The following TMEM132C variants were observed in gnomAD, a reference collection of about 807,000 sequenced individuals.
TMEM132C encodes transmembrane protein 132C.
In TMEM132C, 29 loss-of-function variants were observed where a neutral mutation model predicts 61.4. The ratio of observed to expected loss-of-function variants is 0.47; its 90% CI spans 0.35 to 0.64. The LOEUF (loss-of-function observed/expected upper bound fraction) is 0.64, where lower values mean the gene tolerates loss of function less well. Among genes scored for constraint, TMEM132C ranks in the 30% least tolerant of loss-of-function variants. The pLI is 0.00. For synonymous variants in TMEM132C, 656 were observed against 633.1 expected, an observed-to-expected ratio of 1.04 and a Z score of -0.54; for missense variants, 1,408 against 1,476.9, an observed-to-expected ratio of 0.95 and a Z score of 0.76.
chr12:128,267,594 CG>C (rs1870352430), intron 1 of TMEM132C, 107 bp downstream of exon 1: 1 of 914,800 alleles, frequency 1.1e-6, no homozygotes, highest in Non-Finnish European at 1.4e-6. Flanking sequence ...GGGGCCTCGG[CG>C]GGGGCTCGGA....
intron 2 of TMEM132C, among the ~76,000 whole-genome samples, chr12:128,505,615 C>A (rs1448118922): frequency 6.6e-6 from 1 of 152,176 alleles, no homozygotes; most frequent in African/African-American, 2.4e-5. Flanking sequence ...CATGCCAAAC[C>A]TGATGTCTGA....
At chr12:128,276,030 T>C (rs1870678527) in intron 1 of TMEM132C, among the ~76,000 whole-genome samples, 2 of 152,176 alleles carry the variant, frequency 1.3e-5, no homozygotes, top group Admixed American at 6.5e-5. Flanking sequence ...GTCTGTCTTA[T>C]AAGGATACCG....
chr12:128,276,169 G>A (rs897824471), intron 1 of TMEM132C, among the ~76,000 whole-genome samples: 3 of 152,104 alleles, frequency 2.0e-5, no homozygotes, highest in Admixed American at 2.0e-4. Context: ...TCGCTTTTGA[G>A]GCCATGCAAA....
At chr12:128,433,341 A>T (rs1461921691) in intron 2 of TMEM132C, among the ~76,000 whole-genome samples, 1 of 152,168 alleles carries the variant, frequency 6.6e-6, no homozygotes, top group South Asian at 2.1e-4. Context: ...TAACTAAACA[A>T]TCCAATATTT....
chr12:128,291,650 A>ACCTGTGCTGGTTGAGT lies in TMEM132C; in HGVS notation c.85+24180_85+24195dup, dbSNP rs1216553035. On this transcript the variant is annotated intron_variant, in intron 1 of 8. Transcript: ENST00000435159. ...ATGCCCTGGAGCAATCCCACTCAAT[A>ACCTGTGCTGGTTGAGT]CCTGTGCTGGTTGAGTCCTGTGCTG... Among the ~76,000 whole-genome samples the ACCTGTGCTGGTTGAGT allele has an allele frequency of 5.3e-5, 8 of 152,030 alleles. No homozygotes were observed. In the East Asian group the frequency reaches 1.6e-3, roughly 30 times the overall value.
At chr12:128,436,464 C>T (rs1381448240) in intron 2 of TMEM132C, among the ~76,000 whole-genome samples, 2 of 151,962 alleles carry the variant, frequency 1.3e-5, no homozygotes, top group African/African-American at 4.8e-5. Flanking sequence ...AAAAAATCAA[C>T]CCCATCAAAA....
rs536410473 is a variant in TMEM132C, at chr12:128,415,252, C to T, written c.606C>T (p.Ser202=). 3.5e-5 allele frequency: 56 copies of T among 1,606,462 alleles called. No homozygotes were observed. The African/African-American group carries it at 7.1e-4, about 20-fold the overall frequency. ...GTGTGGCTGAGCTGGAGCTCCTGTC[C>T]AGCTGGTTCAGTGCCCCGACGGTGG... is the stretch of plus-strand genomic sequence containing the variant. ...GLCVAELELL[S]SWFSAPTVGA... is the part of the protein sequence containing the mutation. Residue 202 remains serine, a synonymous_variant, in exon 2 of 9, where the codon TCC becomes TCT. Coordinates refer to ENST00000435159, the MANE Select transcript of TMEM132C (RefSeq NM_001136103.3). This position sits in a 1 kb window ranked among gnomAD's most constrained non-coding sequence, Gnocchi z 5.8.
chr12:128,281,027 C>G (rs147949815), intron 1 of TMEM132C, among the ~76,000 whole-genome samples: 65 of 152,264 alleles, frequency 4.3e-4, no homozygotes, highest in African/African-American at 1.5e-3. Context: ...AGACTGTGAT[C>G]AACACAGGTC....
intron 5 of TMEM132C, among the ~76,000 whole-genome samples, chr12:128,687,560 AG>A (rs1430091675): frequency 1.3e-5 from 2 of 152,220 alleles, no homozygotes; most frequent in Admixed American, 1.3e-4. Context: ...CAAAGAGAAC[AG>A]CACGTGCAAA....
chr12:128,442,275 C>T (rs932273524), intron 2 of TMEM132C, among the ~76,000 whole-genome samples: 5 of 152,136 alleles, frequency 3.3e-5, no homozygotes, highest in Admixed American at 1.3e-4. Context: ...CTGTTCTTGC[C>T]AAAAATGTTA....
intron 2 of TMEM132C, among the ~76,000 whole-genome samples, chr12:128,491,773 C>T (rs147477384): frequency 6.6e-6 from 1 of 152,036 alleles, no homozygotes; most frequent in African/African-American, 2.4e-5. Context: ...TTCCCAACTT[C>T]AGGTTGCCTC....
At position 128,707,879 on chromosome 12, in the gene TMEM132C, A is replaced by C. The variant is rs1394678065; in HGVS notation, c.*1584A>C. 1 of 152,074 alleles carries C rather than the reference A, an allele frequency of 6.6e-6. No homozygotes were observed. The highest frequency in any genetic ancestry group is 2.4e-5 in the African/African-American group (1 of 41,398). 9.4% of individuals were successfully genotyped at this position (152,074 alleles called of 1,614,324 possible). ...ATATTTATTTATACCTGTGATGCCA[A>C]TTGTCATTAAAAGGCTTTTCATGGC... On this transcript the variant is annotated 3_prime_UTR_variant, in exon 9 of 9. Transcript: ENST00000435159.
chr12:128,313,733 C>T (rs909764833), intron 1 of TMEM132C, among the ~76,000 whole-genome samples: 4 of 152,076 alleles, frequency 2.6e-5, no homozygotes, highest in Non-Finnish European at 5.9e-5. Context: ...TTAGGAAGGA[C>T]GAGAGAGAGC....
At chr12:128,592,016 C>T (rs961462956) in intron 3 of TMEM132C, among the ~76,000 whole-genome samples, 1 of 139,184 alleles carries the variant, frequency 7.2e-6, no homozygotes, top group East Asian at 2.2e-4. Context: ...TGTGTCACTG[C>T]ACTCCAACCT....
intron 1 of TMEM132C, among the ~76,000 whole-genome samples, chr12:128,267,731 C>G (rs1870359303): frequency 6.6e-6 from 1 of 152,204 alleles, no homozygotes; most frequent in South Asian, 2.1e-4. Flanking sequence ...CCGGACCCCC[C>G]AGACCCAGAG....
chr12:128,373,130 A>T (rs954781), intron 1 of TMEM132C, among the ~76,000 whole-genome samples: 139,794 of 152,134 alleles, frequency 0.92, 65,406 homozygotes, highest in East Asian at 1. Context: ...GGCAGGGCTC[A>T]ACAACGTCCT....
In TMEM132C at chr12:128,686,081, A is replaced by G. The variant is rs868530295; in HGVS notation, c.1450-7748A>G. 3.5e-3 allele frequency among the ~76,000 whole-genome samples: 473 copies of G among 135,992 alleles called. 4 individuals are homozygous for G. The highest frequency in any genetic ancestry group is 0.015 in the African/African-American group (448 of 30,690). The allele number at this position is 135,992 out of a possible 152,430, so 89.2% of individuals were successfully genotyped here. A position where few individuals can be genotyped will look rare whatever the true frequency, so the allele number is the denominator to read the frequency against. On this transcript the variant is annotated intron_variant, in intron 5 of 8. Transcript: ENST00000435159. ...TGTGTGTGTGCATGCGTGTGTGCGC[A>G]TGTGTGTTGTGTGCGCATGTGTGTG...
intron 2 of TMEM132C, among the ~76,000 whole-genome samples, chr12:128,538,551 G>T (rs1873620478): frequency 6.6e-6 from 1 of 152,176 alleles, no homozygotes; most frequent in Admixed American, 6.5e-5. Context: ...ACCAAACCCA[G>T]CCACAACTTC....
chr12:128,492,443 T>C lies in TMEM132C; in HGVS notation c.975-51514T>C, dbSNP rs939432283. Among the ~76,000 whole-genome samples, 5 of 152,244 alleles carry C rather than the reference T, an allele frequency of 3.3e-5. No individual in the cohort carries two copies. The East Asian group carries it at 7.7e-4, about 23-fold the overall frequency. ...ATCGCCACACTGTCTTCCACGATGG[T>C]TGACCTAATTTACACTCCCACCAAC... is the stretch of plus-strand genomic sequence containing the variant. On this transcript the variant is annotated intron_variant, in intron 2 of 8. Coordinates refer to ENST00000435159, the MANE Select transcript of TMEM132C (RefSeq NM_001136103.3).
Sources: allele counts gnomAD v4.1 joint callset (sites outside exome capture counted in the v4.1 genomes callset), GRCh38; gene constraint gnomAD v4.1.1; non-coding constraint Gnocchi (gnomAD v3.1); transcripts MANE v1.5; gene names NCBI Gene and HGNC (gene_info 2026-07-23, HGNC 2026-07-21).